Variants in MAP1A observed in about 807,000 individuals in gnomAD.
The protein encoded by MAP1A is microtubule associated protein 1A.
Under a neutral mutation model 185.9 loss-of-function variants are expected in MAP1A, and 42 were observed. The ratio of observed to expected loss-of-function variants is 0.23; its 90% CI spans 0.18 to 0.29. The LOEUF (loss-of-function observed/expected upper bound fraction) is 0.29, where lower values mean the gene tolerates loss of function less well. Ranked by LOEUF, MAP1A falls within the 10% of genes least tolerant of loss-of-function variation. The probability of loss-of-function intolerance (pLI) is 1.00; values close to 1 mark genes in which losing one functional copy is unlikely to be tolerated. For missense variants in MAP1A, 2,995 were observed against 3,450.4 expected (o/e 0.87, Z 3.31); for synonymous variants, 1,229 against 1,335.9 (o/e 0.92, Z 1.74).
In MAP1A at chr15:43,526,764, A is replaced by C; in HGVS notation, c.5291A>C (p.Gln1764Pro). ...DFKDFQESSP[Q>P]KGLEVERWLA... ...AAGGATTTCCAGGAATCCTCACCAC[A>C]GAAGGGGCTAGAGGTGGAGCGCTGG... Residue 1764 changes from glutamine (Q) to proline (P), a missense_variant, in exon 4 of 6, where the codon CAG (glutamine) becomes CCG (proline). This residue lies in a region of MAP1A where 2,728 missense variants were observed against 2,986.0 expected (regional missense o/e 0.91). Coordinates refer to ENST00000300231, the MANE Select transcript of MAP1A (RefSeq NM_002373.6). This position sits in a 1 kb window ranked among gnomAD's most constrained non-coding sequence, Gnocchi z 4.7. 6.2e-7 allele frequency: 1 copy of C among 1,614,136 alleles called. No homozygotes were observed. Among genetic ancestry groups the C allele is most frequent in the South Asian group, 1.1e-5 (1 of 91,084 alleles).
At position 43,521,134 on chromosome 15, in the gene MAP1A, C is replaced by T. The variant is rs538801826; in HGVS notation, c.-151+22C>T. 3.2e-6 allele frequency: 5 copies of T among 1,539,588 alleles called. No individual in the cohort carries two copies. In the Admixed American group the frequency reaches 7.9e-5, roughly 24 times the overall value. ...CGAGGTAAGTTCCATGCCAGAGTGT[C>T]TGGGAGAAAGGGTAGCACTAGAGCT... is the stretch of plus-strand genomic sequence containing the variant. On this transcript the variant is annotated intron_variant, in intron 3 of 5. Coordinates refer to ENST00000300231, the MANE Select transcript of MAP1A (RefSeq NM_002373.6). This position sits in a 1 kb window ranked among gnomAD's most constrained non-coding sequence, Gnocchi z 4.6.
Position 43,521,151 on chromosome 15 carries a change from A to G in MAP1A, c.-151+39A>G. 3 of 1,527,684 alleles carry G rather than the reference A, an allele frequency of 2.0e-6. No homozygotes were observed. The highest frequency in any genetic ancestry group is 2.6e-6 in the Non-Finnish European group (3 of 1,140,934). The allele number at this position is 1,527,684 out of a possible 1,614,324, so 94.6% of individuals were successfully genotyped here. On this transcript the variant is annotated intron_variant, in intron 3 of 5. Coordinates refer to ENST00000300231, the MANE Select transcript of MAP1A (RefSeq NM_002373.6). This position sits in a 1 kb window ranked among gnomAD's most constrained non-coding sequence, Gnocchi z 4.6. ...CAGAGTGTCTGGGAGAAAGGGTAGCACTAGAGCTGTGGGAGGGATCTAAGG... is the reference window on the plus strand; with the variant it reads ...CAGAGTGTCTGGGAGAAAGGGTAGCGCTAGAGCTGTGGGAGGGATCTAAGG...
chr15:43,518,717 C>G (rs1401379024), intron 1 of MAP1A, among the ~76,000 whole-genome samples: 3 of 140,928 alleles, frequency 2.1e-5, no homozygotes, highest in Admixed American at 1.4e-4. Context: ...CACCCCCCCC[C>G]GCAACTCCAG....
rs1437465508 is a variant in MAP1A, at chr15:43,527,189, G to A, written c.5716G>A (p.Gly1906Arg). ...GGAAGGTGGGCCATACTCCCCCCTG[G>A]GGAAGGACTACCGCAAGGCTGAAGG... ...ELEGGPYSPL[G>R]KDYRKAEGER... Residue 1906 changes from glycine (G) to arginine (R), a missense_variant, in exon 4 of 6, where the codon GGG becomes AGG. Gly to Arg is a moderately radical substitution (Grantham distance 125). This residue lies in a region of MAP1A where 2,728 missense variants were observed against 2,986.0 expected (regional missense o/e 0.91). Coordinates refer to ENST00000300231, the MANE Select transcript of MAP1A (RefSeq NM_002373.6). The A allele has an allele frequency of 6.2e-7, 1 of 1,614,016 alleles. No homozygotes were observed. The highest frequency in any genetic ancestry group is 8.5e-7 in the Non-Finnish European group (1 of 1,179,982).
chr15:43,523,196 G>A lies in MAP1A; in HGVS notation c.1723G>A (p.Gly575Arg). 1 of 1,614,110 alleles carries A rather than the reference G, an allele frequency of 6.2e-7. No homozygotes were observed. The highest frequency in any genetic ancestry group is 8.5e-7 in the Non-Finnish European group (1 of 1,180,018). Residue 575 changes from glycine to arginine, a missense_variant, in exon 4 of 6, where the codon GGA becomes AGA. Transcript: ENST00000300231. The part of the protein sequence containing the change: ...EEGPPSTAIQ[G>R]TPPSVPGLGQ... Reference sequence around the variant, plus strand: ...GGGACCCCCAAGTACAGCTATCCAGGGAACACCACCCTCTGTTCCAGGGCT... The same window carrying A: ...GGGACCCCCAAGTACAGCTATCCAGAGAACACCACCCTCTGTTCCAGGGCT...
rs1164368092 is a variant in MAP1A, at chr15:43,529,299, C to T, written c.7826C>T (p.Ala2609Val). 6.2e-7 allele frequency: 1 copy of T among 1,613,932 alleles called. No homozygotes were observed. The highest frequency in any genetic ancestry group is 1.1e-5 in the South Asian group (1 of 91,070). ...GTTCAGGGGCGAGTAGGGCGCAGGG[C>T]CCCAGGCAAGGCCAAGCCAGCGTCC... ...EKVQGRVGRRAPGKAKPASPA... is the reference protein window; with the variant it reads ...EKVQGRVGRRVPGKAKPASPA... Residue 2609 changes from alanine to valine, a missense_variant, in exon 4 of 6, where the codon GCC becomes GTC. Physicochemically the swap from Ala to Val is moderately conservative, Grantham distance 64. Transcript: ENST00000300231. This position sits in a 1 kb window ranked among gnomAD's most constrained non-coding sequence, Gnocchi z 4.3.
At chr15:43,519,701 A>C (rs1258527556) in intron 1 of MAP1A, among the ~76,000 whole-genome samples, 1 of 152,204 alleles carries the variant, frequency 6.6e-6, no homozygotes, top group Non-Finnish European at 1.5e-5. Context: ...AGGCTGGAGA[A>C]GGGAAATAGG....
chr15:43,515,447 G>A (rs773967909), upstream of MAP1A, among the ~76,000 whole-genome samples: 5 of 152,182 alleles, frequency 3.3e-5, no homozygotes, highest in Non-Finnish European at 7.3e-5. Context: ...GGCATCTTTA[G>A]TTCTGGGTTT....
chr15:43,510,980 G>A, exon 1 of MAP1A: 3 of 1,529,058 alleles, frequency 2.0e-6, no homozygotes, highest in Non-Finnish European at 2.6e-6. Flanking sequence ...ACACTCCGCG[G>A]GTGTTTCCAT....
In MAP1A at chr15:43,526,304, T is replaced by C. The variant is rs1334087838; in HGVS notation, c.4831T>C (p.Leu1611=). The change falls in exon 4 of 6, where the codon TTA becomes CTA. Residue 1611 remains leucine (L), a synonymous_variant. Coordinates refer to ENST00000300231, the MANE Select transcript of MAP1A (RefSeq NM_002373.6). This position sits in a 1 kb window ranked among gnomAD's most constrained non-coding sequence, Gnocchi z 4.7. ...AAAGGTCAAGGCCATGGAAGAGAAG[T>C]TAGAAGCTCTTCTGGAGAAGACCAA... ...PEKVKAMEEK[L]EALLEKTKAL... 3 of 1,613,216 alleles carry C rather than the reference T, an allele frequency of 1.9e-6. No homozygotes were observed. Among genetic ancestry groups the C allele is most frequent in the Middle Eastern group, 1.7e-4 (1 of 6,060 alleles).
chr15:43,523,796 C>G lies in MAP1A; in HGVS notation c.2323C>G (p.Leu775Val). ...PPRFHTSTYD[L>V]PGPEGAGPFE... Reference sequence around the variant, plus strand: ...CAGATTTCATACAAGTACATATGACCTGCCCGGGCCTGAAGGTGCTGGCCC... The same window carrying G: ...CAGATTTCATACAAGTACATATGACGTGCCCGGGCCTGAAGGTGCTGGCCC... The change falls in exon 4 of 6, where the codon CTG (leucine) becomes GTG (valine). Residue 775 changes from leucine (L) to valine (V), a missense_variant. By Grantham distance (32) the Leu-to-Val change is conservative (BLOSUM62 1). Transcript: ENST00000300231. 1.2e-6 allele frequency: 2 copies of G among 1,614,088 alleles called. No homozygotes were observed. Among genetic ancestry groups the G allele is most frequent in the Non-Finnish European group, 1.7e-6 (2 of 1,180,010 alleles).
At chr15:43,514,299 A>C (rs1595644104), upstream of MAP1A, among the ~76,000 whole-genome samples, 1 of 152,088 alleles carries the variant, frequency 6.6e-6, no homozygotes, top group Admixed American at 6.5e-5. Flanking sequence ...TCCTGGAAAA[A>C]CCCACACAGC....
rs553744693 is a variant in MAP1A, at chr15:43,529,389, G to A, written c.7916G>A (p.Arg2639Gln). ...ACCCCTGGTAAAGGGCCTGCAGATC[G>A]AGCATCCCGGGCCCCACCTCGACCA... ...SPTPGKGPAD[R>Q]ASRAPPRPRS... Residue 2639 changes from arginine to glutamine, a missense_variant, in exon 4 of 6, where the codon CGA becomes CAA. Coordinates refer to ENST00000300231, the MANE Select transcript of MAP1A (RefSeq NM_002373.6). The surrounding 1 kb of genome is among the most constrained non-coding windows in gnomAD (Gnocchi z 4.3). 225 of 1,613,890 alleles carry A rather than the reference G, an allele frequency of 1.4e-4. No homozygotes were observed. The highest frequency in any genetic ancestry group is 2.7e-4 in the Admixed American group (16 of 60,026).
Position 43,528,586 on chromosome 15 carries a change from C to T in MAP1A, c.7113C>T (p.Gly2371=). ...CTGAAACCAGCCCTAACCCCCCAGG[C>T]CCTGCCCCAGCCAAGGCTGAAAATG... ...GPTETSPNPP[G]PAPAKAENEE... is the part of the protein sequence containing the mutation. Residue 2371 remains glycine, a synonymous_variant, in exon 4 of 6, where the codon GGC becomes GGT. Coordinates refer to ENST00000300231, the MANE Select transcript of MAP1A (RefSeq NM_002373.6). The T allele has an allele frequency of 6.2e-7, 1 of 1,613,994 alleles. No individual in the cohort carries two copies. Among genetic ancestry groups the T allele is most frequent in the Non-Finnish European group, 8.5e-7 (1 of 1,180,030 alleles).
chr15:43,526,953 C>A lies in MAP1A; in HGVS notation c.5480C>A (p.Pro1827Gln), dbSNP rs763568155. ...CCTATCCCAGACCCTAAGCTCATGC[C>A]ACACATGAAGAATGAACCCACTACT... ...ESPIPDPKLM[P>Q]HMKNEPTTPS... The change falls in exon 4 of 6, where the codon CCA becomes CAA. Residue 1827 changes from proline to glutamine, a missense_variant. Pro to Gln is a moderately conservative substitution (Grantham distance 76). Coordinates refer to ENST00000300231, the MANE Select transcript of MAP1A (RefSeq NM_002373.6). This position sits in a 1 kb window ranked among gnomAD's most constrained non-coding sequence, Gnocchi z 4.7. 1.2e-6 allele frequency: 2 copies of A among 1,613,762 alleles called. No homozygotes were observed. The highest frequency in any genetic ancestry group is 1.7e-6 in the Non-Finnish European group (2 of 1,179,780).
rs780043631 is a variant in MAP1A at position 43,528,110 on chromosome 15, C to A, written c.6637C>A (p.Arg2213=). Residue 2213 remains arginine, a synonymous_variant, in exon 4 of 6, where the codon CGG becomes AGG. Coordinates refer to ENST00000300231, the MANE Select transcript of MAP1A (RefSeq NM_002373.6). ...ALAPGPPTRT[R]HDEYLEVTKA... is the part of the protein sequence containing the mutation. ...GGCTCCAGGACCCCCCACCAGAACCCGGCATGATGAATACCTGGAAGTGAC... is the reference window on the plus strand; with the variant it reads ...GGCTCCAGGACCCCCCACCAGAACCAGGCATGATGAATACCTGGAAGTGAC... The A allele has an allele frequency of 6.2e-7, 1 of 1,614,052 alleles. No individual in the cohort carries two copies.
At position 43,529,942 on chromosome 15, in the gene MAP1A, CTATT is replaced by C; in HGVS notation, c.8256+77_8256+80del. The C allele has an allele frequency of 6.4e-7, 1 of 1,562,716 alleles. No homozygotes were observed. The highest frequency in any genetic ancestry group is 8.8e-7 in the Non-Finnish European group (1 of 1,140,738). ...CAGAGGCAGTAGTGGAACACAGTCC[CTATT>C]TATTAAAGGATGGGCCTTTTCTAAG... On this transcript the variant is annotated intron_variant, in intron 5 of 5. Transcript: ENST00000300231. The surrounding 1 kb of genome is among the most constrained non-coding windows in gnomAD (Gnocchi z 4.3).
chr15:43,521,346 G>C lies in MAP1A; in HGVS notation c.-128G>C. Reference sequence around the variant, plus strand: ...TAGATTTCCCAATTGCTCAGCAATAGAGACCCTGGGATACAGGCCTTCCTT... The same window carrying C: ...TAGATTTCCCAATTGCTCAGCAATACAGACCCTGGGATACAGGCCTTCCTT... On this transcript the variant is annotated 5_prime_UTR_variant, in exon 4 of 6. Coordinates refer to ENST00000300231, the MANE Select transcript of MAP1A (RefSeq NM_002373.6). This position sits in a 1 kb window ranked among gnomAD's most constrained non-coding sequence, Gnocchi z 4.6. 4 of 1,612,342 alleles carry C rather than the reference G, an allele frequency of 2.5e-6. No homozygotes were observed. The highest frequency in any genetic ancestry group is 3.4e-6 in the Non-Finnish European group (4 of 1,179,512).
chr15:43,522,961 G>C lies in MAP1A; in HGVS notation c.1488G>C (p.Lys496Asn). 6.2e-7 allele frequency: 1 copy of C among 1,614,170 alleles called. No homozygotes were observed. Among genetic ancestry groups the C allele is most frequent in the Non-Finnish European group, 8.5e-7 (1 of 1,180,018 alleles). Residue 496 changes from lysine (K) to asparagine (N), a missense_variant, in exon 4 of 6, where the codon AAG becomes AAC. Transcript: ENST00000300231. This position sits in a 1 kb window ranked among gnomAD's most constrained non-coding sequence, Gnocchi z 5.9. ...IDRSRAIRGEKELSSEPQTPP... is the reference protein window; with the variant it reads ...IDRSRAIRGENELSSEPQTPP... ...GGAGCCGTGCTATCCGTGGGGAGAA[G>C]GAGCTGTCTTCTGAGCCCCAGACAC...
Sources: gnomAD v4.1 joint callset for allele counts (sites outside exome capture counted in the v4.1 genomes callset) on GRCh38, gnomAD v4.1.1 for gene constraint, gnomAD v4.1.1 regional missense constraint, Gnocchi (gnomAD v3.1) non-coding constraint, MANE v1.5 for transcripts, NCBI Gene and HGNC (gene_info 2026-07-23, HGNC 2026-07-21) for gene names.